Variants in XPO5 observed in about 807,000 individuals in gnomAD.
The protein encoded by XPO5 is exportin-5.
XPO5 carries 46 observed loss-of-function variants against 160.6 expected under a neutral mutation model. The observed-to-expected ratio is 0.29, with a 90% CI of 0.23 to 0.37. The LOEUF (loss-of-function observed/expected upper bound fraction) is 0.37, where lower values mean the gene tolerates loss of function less well. Ranked by LOEUF, XPO5 falls within the 10% of genes least tolerant of loss-of-function variation. The pLI is 1.00. For missense variants in XPO5, 1,090 were observed against 1,463.9 expected, an observed-to-expected ratio of 0.74 and a Z score of 4.17; for synonymous variants, 537 against 519.3, an observed-to-expected ratio of 1.03 and a Z score of -0.46.
intron 1 of XPO5, among the ~76,000 whole-genome samples, 160 bp downstream of exon 1, chr6:43,575,600 G>C (rs968385449): frequency 6.6e-6 from 1 of 152,244 alleles, no homozygotes; most frequent in Non-Finnish European, 1.5e-5. Context: ...GGCGATTTGG[G>C]AGAGGCGCGG....
At chr6:43,528,310 T>G in intron 24 of XPO5, 105 bp from the exon 25 acceptor site, 1 of 1,204,242 alleles carries the variant, frequency 8.3e-7, no homozygotes, top group South Asian at 1.3e-5. Context: ...CAAGGATGAT[T>G]CTAGGCATCA....
At position 43,575,972 on chromosome 6, in the gene XPO5, G is replaced by C; in HGVS notation, c.-108C>G. On this transcript the variant is annotated 5_prime_UTR_variant, in exon 1 of 32. Transcript: ENST00000265351. ...TTGGTACCGGGCCGCGGCGGGCGGC[G>C]GGGGTGGGAAGCTGGAGGAGGAGCG... 9.0e-7 allele frequency: 1 copy of C among 1,106,386 alleles called. No individual in the cohort carries two copies. The highest frequency in any genetic ancestry group is 2.0e-5 in the Admixed American group (1 of 48,910). The allele number at this position is 1,106,386 out of a possible 1,614,324, so 68.5% of individuals were successfully genotyped here.
intron 14 of XPO5, among the ~76,000 whole-genome samples, chr6:43,553,053 C>A (rs1177314423): frequency 6.7e-6 from 1 of 150,308 alleles, no homozygotes; most frequent in East Asian, 1.9e-4. Context: ...GTGGGTCATG[C>A]CCGCAATCTC....
intron 8 of XPO5, among the ~76,000 whole-genome samples, chr6:43,564,134 CTGGTCT>C (rs1762563388): frequency 6.6e-6 from 1 of 152,140 alleles, no homozygotes; most frequent in Non-Finnish European, 1.5e-5. Context: ...GTTGGCCAGG[CTGGTCT>C]TGAACTCCTG....
At chr6:43,541,778 CTTCTTTTT>C (rs1309591014) in intron 20 of XPO5, among the ~76,000 whole-genome samples, 1 of 152,090 alleles carries the variant, frequency 6.6e-6, no homozygotes, top group Non-Finnish European at 1.5e-5. Context: ...TAATCCAATA[CTTCTTTTT>C]TTCTTTTTTG....
chr6:43,548,923 T>G (rs897116103), intron 17 of XPO5, among the ~76,000 whole-genome samples: 3 of 152,084 alleles, frequency 2.0e-5, no homozygotes, highest in Non-Finnish European at 2.9e-5. Context: ...GATCATCACA[T>G]AGTAAAGAGT....
At position 43,549,472 on chromosome 6, in the gene XPO5, AG is replaced by A; in HGVS notation, c.1860+16del. The A allele has an allele frequency of 6.3e-7, 1 of 1,584,500 alleles. No homozygotes were observed. Among genetic ancestry groups the A allele is most frequent in the African/African-American group, 1.4e-5 (1 of 73,346 alleles). ...GTAACCAAACTTGGCTACTTCAGCC[AG>A]GGTCCAGCAGCTTACCAGCACAAGC... On this transcript the variant is annotated intron_variant, in intron 17 of 31. Coordinates refer to ENST00000265351, the MANE Select transcript of XPO5 (RefSeq NM_020750.3).
chr6:43,570,647 C>T lies in XPO5; in HGVS notation c.476G>A (p.Arg159Gln). The change falls in exon 5 of 32, where the codon CGA becomes CAA. Residue 159 changes from arginine to glutamine, a missense_variant. Arg to Gln is a conservative substitution (Grantham distance 43, BLOSUM62 1). This residue lies in a region of XPO5 where 170 missense variants were observed against 227.0 expected (regional missense o/e 0.75). Transcript: ENST00000265351. ...QTELVMFILL[R>Q]LAEDVVTFQT... ...AAAAGTCACTACATCCTCTGCCAGT[C>T]GCAAAAGGATAAACATCACCAATTC... 6.2e-7 allele frequency: 1 copy of T among 1,612,970 alleles called. No individual in the cohort carries two copies. The highest frequency in any genetic ancestry group is 8.5e-7 in the Non-Finnish European group (1 of 1,179,530).
intron 20 of XPO5, chr6:43,539,782 TGA>T: frequency 1.7e-6 from 1 of 580,744 alleles, no homozygotes; most frequent in Non-Finnish European, 3.0e-6. Flanking sequence ...ATCTGTTCCT[TGA>T]AGGTCTGGGA....
chr6:43,560,970 C>G lies in XPO5; in HGVS notation c.1049G>C (p.Gly350Ala). The change falls in exon 10 of 32, where the codon GGA (glycine) becomes GCA (alanine). Residue 350 changes from glycine (G) to alanine (A), a missense_variant. Physicochemically the swap from Gly to Ala is moderately conservative, Grantham distance 60. Coordinates refer to ENST00000265351, the MANE Select transcript of XPO5 (RefSeq NM_020750.3). ...AGCAAGAAAAGATTCCAGGTATTTTCCAAAGTTTGATGGTGTTTCTACATC... is the reference window on the plus strand; with the variant it reads ...AGCAAGAAAAGATTCCAGGTATTTTGCAAAGTTTGATGGTGTTTCTACATC... ...DSDVETPSNF[G>A]KYLESFLAFT... The G allele has an allele frequency of 1.9e-6, 3 of 1,613,872 alleles. No individual in the cohort carries two copies. The highest frequency in any genetic ancestry group is 2.5e-6 in the Non-Finnish European group (3 of 1,179,844).
intron 5 of XPO5, among the ~76,000 whole-genome samples, chr6:43,569,360 T>G (rs1245241594): frequency 2.0e-5 from 3 of 151,808 alleles, no homozygotes; most frequent in Non-Finnish European, 4.4e-5. Context: ...ATAGTGGCTA[T>G]TCAGTGAATA....
chr6:43,525,634 C>T, intron 28 of XPO5: 2 of 584,338 alleles, frequency 3.4e-6, no homozygotes, highest in Admixed American at 3.2e-5. Flanking sequence ...ATGTGTTTTC[C>T]TGAGAGCTCC....
chr6:43,544,083 T>C (rs1413070075), intron 20 of XPO5: 21 of 152,664 alleles, frequency 1.4e-4, no homozygotes, highest in Admixed American at 1.4e-3. Flanking sequence ...TGCCTTTTGA[T>C]TGATTTTTGG....
chr6:43,529,030 G>C (rs1322929761), intron 23 of XPO5, 105 bp from the exon 24 acceptor site: 4 of 1,199,138 alleles, frequency 3.3e-6, no homozygotes, highest in Non-Finnish European at 3.5e-6. Flanking sequence ...GGATTTGCCA[G>C]ATGTCAAAAA....
intron 28 of XPO5, 194 bp from the exon 29 acceptor site, chr6:43,525,408 G>C: frequency 1.7e-6 from 1 of 589,796 alleles, no homozygotes; most frequent in South Asian, 2.2e-5. Flanking sequence ...GAATAGCTGG[G>C]ACTACAGGTG....
chr6:43,554,582 G>A (rs1761940511), intron 13 of XPO5, among the ~76,000 whole-genome samples: 1 of 151,644 alleles, frequency 6.6e-6, no homozygotes, highest in Non-Finnish European at 1.5e-5. Context: ...CCACCACCAC[G>A]CCTGGCTAAT....
chr6:43,528,002 A>C (rs1793709267), intron 25 of XPO5, among the ~76,000 whole-genome samples, 157 bp downstream of exon 25: 1 of 152,208 alleles, frequency 6.6e-6, no homozygotes, highest in African/African-American at 2.4e-5. Flanking sequence ...TGCTGGTAAC[A>C]GCCTGTCCAG....
chr6:43,534,053 A>G, intron 20 of XPO5, 46 bp from the exon 21 acceptor site: 1 of 1,454,014 alleles, frequency 6.9e-7, no homozygotes. Context: ...CTGATGCAGA[A>G]GGAAAGAGTG....
At chr6:43,539,129 A>C (rs1794532180) in intron 20 of XPO5, 2 of 1,194,924 alleles carry the variant, frequency 1.7e-6, no homozygotes, top group Admixed American at 1.9e-5. Context: ...GAGGCGCACC[A>C]GCACAGAGCC....
Sources: allele counts gnomAD v4.1 joint callset (sites outside exome capture counted in the v4.1 genomes callset), GRCh38; gene constraint gnomAD v4.1.1; regional missense constraint gnomAD v4.1.1; transcripts MANE v1.5; gene names NCBI Gene and HGNC (gene_info 2026-07-23, HGNC 2026-07-21).